UTS2: variants seen among roughly 807,000 people sequenced by gnomAD.
UTS2 encodes urotensin-2.
A neutral mutation model predicts 12.6 loss-of-function variants in UTS2; 10 were observed. That is an observed-to-expected ratio of 0.80 (90% CI 0.49 to 1.35). The LOEUF (loss-of-function observed/expected upper bound fraction) is 1.35, where lower values mean the gene tolerates loss of function less well. UTS2 is among the 40% of genes most tolerant of loss of function. UTS2 has a pLI of 0.00. For missense variants in UTS2, 142 were observed against 143.2 expected, an observed-to-expected ratio of 0.99 and a Z score of 0.04; for synonymous variants, 52 against 50.0, an observed-to-expected ratio of 1.04 and a Z score of -0.17.
the UTS2 span, among the ~76,000 whole-genome samples, chr1:7,902,798 C>T: frequency 6.6e-6 from 1 of 152,146 alleles, no homozygotes; most frequent in Non-Finnish European, 1.5e-5. Flanking sequence ...GGCGTGGTTT[C>T]AGGTAAGTCG....
chr1:7,873,677 T>G, the UTS2 span, among the ~76,000 whole-genome samples: 1 of 152,206 alleles, frequency 6.6e-6, no homozygotes, highest in Admixed American at 6.5e-5. Context: ...AAAGACCATC[T>G]TGTAGATGGT....
intron 3 of UTS2, 62 bp from the exon 4 acceptor site, chr1:7,847,944 G>T: frequency 1.7e-6 from 2 of 1,189,048 alleles, no homozygotes; most frequent in African/African-American, 1.5e-5. Context: ...AACGAGTGAC[G>T]ATTCCTATAA....
chr1:7,890,054 G>A, the UTS2 span, among the ~76,000 whole-genome samples: 33 of 149,232 alleles, frequency 2.2e-4, no homozygotes, highest in African/African-American at 7.2e-4. Flanking sequence ...ACGACAGAGC[G>A]AGACTCCATC....
the UTS2 span, among the ~76,000 whole-genome samples, chr1:7,896,037 T>C: frequency 6.6e-6 from 1 of 152,168 alleles, no homozygotes; most frequent in Non-Finnish European, 1.5e-5. Flanking sequence ...ATAACAGAAG[T>C]AAAGGGAGCA....
At chr1:7,853,074 G>T, upstream of UTS2, 5 of 1,553,696 alleles carry the variant, frequency 3.2e-6, no homozygotes, top group Middle Eastern at 1.7e-4. Flanking sequence ...TCCTCATTCT[G>T]CCTGCTCACT....
the UTS2 span, among the ~76,000 whole-genome samples, chr1:7,872,331 A>AGG: frequency 4.3e-5 from 6 of 140,144 alleles, no homozygotes; most frequent in African/African-American, 1.4e-4. Context: ...GAAAAGAAAA[A>AGG]AAAAGAAAAA....
the UTS2 span, among the ~76,000 whole-genome samples, chr1:7,895,293 C>T: frequency 5.9e-5 from 9 of 152,018 alleles, no homozygotes; most frequent in South Asian, 1.0e-3. Flanking sequence ...CCCTTGAACC[C>T]GGGAGGCAGA....
chr1:7,902,185 A>G, the UTS2 span, among the ~76,000 whole-genome samples: 1 of 42,080 alleles, frequency 2.4e-5, no homozygotes, highest in Non-Finnish European at 4.4e-5. Flanking sequence ...TTTGGGCTCC[A>G]GGCTATCTCT....
the UTS2 span, among the ~76,000 whole-genome samples, chr1:7,871,645 C>T: frequency 1.3e-5 from 2 of 152,212 alleles, no homozygotes; most frequent in East Asian, 1.9e-4. Context: ...GTTTTTCCAG[C>T]GGCATGTGCT....
chr1:7,851,519 G>A (rs1183477116), intron 1 of UTS2, among the ~76,000 whole-genome samples: 1 of 152,220 alleles, frequency 6.6e-6, no homozygotes, highest in Admixed American at 6.5e-5. Context: ...GTGCGCTTAA[G>A]GTGTGTGGAA....
At chr1:7,909,206 G>A in the UTS2 span, among the ~76,000 whole-genome samples, 1 of 152,248 alleles carries the variant, frequency 6.6e-6, no homozygotes, top group African/African-American at 2.4e-5. Flanking sequence ...ATGAGATTTG[G>A]GTGGGGACAC....
At chr1:7,871,909 A>G in the UTS2 span, among the ~76,000 whole-genome samples, 25 of 152,140 alleles carry the variant, frequency 1.6e-4, no homozygotes, top group Non-Finnish European at 3.1e-4. Context: ...TGAGACAAAC[A>G]ATATTGAAAT....
the UTS2 span, among the ~76,000 whole-genome samples, chr1:7,878,456 G>C: frequency 1.3e-5 from 2 of 151,992 alleles, no homozygotes; most frequent in African/African-American, 2.4e-5. Flanking sequence ...AAGGAACAAA[G>C]GATACTATAC....
At chr1:7,910,180 A>T in the UTS2 span, among the ~76,000 whole-genome samples, 1 of 152,110 alleles carries the variant, frequency 6.6e-6, no homozygotes, top group Admixed American at 6.6e-5. Context: ...CTACCATGAA[A>T]CATGAATCCC....
At chr1:7,893,522 A>C in the UTS2 span, among the ~76,000 whole-genome samples, 32 of 151,912 alleles carry the variant, frequency 2.1e-4, no homozygotes, top group African/African-American at 7.2e-4. Context: ...TAAATAAAAC[A>C]AACCAAACCT....
At position 7,849,746 on chromosome 1, in the gene UTS2, A is replaced by T; in HGVS notation, c.215-63T>A. ...TGTTTCTCTTGTATGCTTGTTTTAA[A>T]ATATACAAAATAATATTACTAAATT... is the stretch of plus-strand genomic sequence containing the variant. On this transcript the variant is annotated intron_variant, in intron 2 of 3. Coordinates refer to ENST00000361696, the MANE Select transcript of UTS2 (RefSeq NM_006786.4). The T allele has an allele frequency of 3.6e-6, 5 of 1,393,426 alleles. No homozygotes were observed. In the East Asian group the frequency reaches 1.2e-4, roughly 34 times the overall value. The allele number at this position is 1,393,426 out of a possible 1,614,324, so 86.3% of individuals were successfully genotyped here.
At chr1:7,902,306 T>A in the UTS2 span, among the ~76,000 whole-genome samples, 15 of 152,282 alleles carry the variant, frequency 9.9e-5, no homozygotes, top group African/African-American at 3.4e-4. Context: ...CTCTGGGCTC[T>A]GGGCAGATTG....
the UTS2 span, among the ~76,000 whole-genome samples, chr1:7,884,787 CAT>C: frequency 6.6e-6 from 1 of 151,926 alleles, no homozygotes; most frequent in African/African-American, 2.4e-5. Context: ...ATCTACCATT[CAT>C]CCACCTACCC....
At chr1:7,893,694 C>T in the UTS2 span, among the ~76,000 whole-genome samples, 28 of 152,156 alleles carry the variant, frequency 1.8e-4, no homozygotes, top group Non-Finnish European at 3.1e-4. Context: ...CCTGGTTTTA[C>T]GCTGCTCCTG....
Sources: gnomAD v4.1 joint callset for allele counts (sites outside exome capture counted in the v4.1 genomes callset) on GRCh38, gnomAD v4.1.1 for gene constraint, MANE v1.5 for transcripts, NCBI Gene and HGNC (gene_info 2026-07-23, HGNC 2026-07-21) for gene names.